The following MPC2 variants were observed in gnomAD, a reference collection of about 807,000 sequenced individuals.
The protein encoded by MPC2 is brain protein 44.
Under a neutral mutation model 19.2 loss-of-function variants are expected in MPC2, and 19 were observed. The observed-to-expected ratio is 0.99, with a 90% CI of 0.69 to 1.45. MPC2 has a LOEUF of 1.45. MPC2 is among the 40% of genes most tolerant of loss of function. The pLI, the probability that MPC2 is intolerant of heterozygous loss-of-function variation, is 0.00. For missense variants in MPC2, 122 were observed against 153.0 expected, an observed-to-expected ratio of 0.80 and a Z score of 1.07; for synonymous variants, 61 against 54.3, an observed-to-expected ratio of 1.12 and a Z score of -0.54.
In MPC2 at chr1:167,918,333, G is replaced by T; in HGVS notation, c.374C>A (p.Ala125Glu). 1 of 1,567,334 alleles carries T rather than the reference G, an allele frequency of 6.4e-7. No homozygotes were observed. Among genetic ancestry groups the T allele is most frequent in the Non-Finnish European group, 8.8e-7 (1 of 1,140,748 alleles). ...WRYNQELKAK[A>E]HK ...TGATCAGGAACTCTTTTATTTGTGT[G>T]CTTTAGCTTTTAGTTCTTGGTTATA... is the stretch of plus-strand genomic sequence containing the variant. The change falls in exon 6 of 6, where the codon GCA becomes GAA. Residue 125 changes from alanine (A) to glutamate (E), a missense_variant. Transcript: ENST00000271373.
In MPC2 at chr1:167,932,705, A is replaced by G. The variant is rs574390095; in HGVS notation, c.109+3028T>C. 6.2e-4 allele frequency among the ~76,000 whole-genome samples: 94 copies of G among 150,666 alleles called. No individual in the cohort carries two copies. The Middle Eastern group carries it at 0.014, about 22-fold the overall frequency. ...ATGCCTGTAATCCCAGCTACTCAGG[A>G]GGCTGAGGCAGGAGAATCGCTTGAA... On this transcript the variant is annotated intron_variant, in intron 2 of 5. Transcript: ENST00000271373.
At chr1:167,924,395 A>G in intron 3 of MPC2, 102 bp downstream of exon 3, 1 of 949,016 alleles carries the variant, frequency 1.1e-6, no homozygotes, top group Non-Finnish European at 1.6e-6. Context: ...AGGCATACCA[A>G]GAATACTCTA....
intron 1 of MPC2, 66 bp from the exon 2 acceptor site, chr1:167,935,964 G>C: frequency 1.4e-6 from 1 of 734,480 alleles, no homozygotes. Context: ...CTCGCCTGGA[G>C]TACCCTTCCC....
At chr1:167,919,064 G>A (rs775977835) in intron 5 of MPC2, among the ~76,000 whole-genome samples, 6 of 152,118 alleles carry the variant, frequency 3.9e-5, no homozygotes, top group Non-Finnish European at 8.8e-5. Flanking sequence ...TACTCGCAAA[G>A]CACCTTTCCT....
chr1:167,935,100 G>C (rs1671056416), intron 2 of MPC2, among the ~76,000 whole-genome samples: 1 of 152,072 alleles, frequency 6.6e-6, no homozygotes. Flanking sequence ...AACTATAAGT[G>C]GTAGAAGAGA....
intron 2 of MPC2, among the ~76,000 whole-genome samples, chr1:167,928,206 C>T (rs1346171547): frequency 1.3e-5 from 2 of 151,532 alleles, no homozygotes; most frequent in East Asian, 3.9e-4. Flanking sequence ...AAATTAGCTG[C>T]GCGTGGTGGC....
intron 3 of MPC2, among the ~76,000 whole-genome samples, chr1:167,923,832 G>T (rs1468097208): frequency 2.0e-5 from 3 of 152,054 alleles, no homozygotes; most frequent in African/African-American, 4.8e-5. Context: ...GTCTGTGATG[G>T]GGCCTAACAA....
chr1:167,936,888 C>G, intron 1 of MPC2, 51 bp downstream of exon 1: 1 of 1,568,838 alleles, frequency 6.4e-7, no homozygotes, highest in Non-Finnish European at 8.6e-7. Flanking sequence ...GTGGTCTCCC[C>G]TCCCACCCGG....
intron 3 of MPC2, among the ~76,000 whole-genome samples, chr1:167,923,075 G>A (rs767266870): frequency 1.3e-5 from 2 of 152,174 alleles, no homozygotes; most frequent in Non-Finnish European, 2.9e-5. Context: ...TGTTGGTGAG[G>A]ATGTGGAGAA....
chr1:167,925,482 CATAT>C (rs1670725709), intron 2 of MPC2, among the ~76,000 whole-genome samples: 8 of 80,852 alleles, frequency 9.9e-5, no homozygotes, highest in African/African-American at 2.3e-4. Context: ...TATACATATA[CATAT>C]ACACACACAT....
rs536946046 is a variant in MPC2, at chr1:167,919,895, G to A, written c.347+84C>T. On this transcript the variant is annotated intron_variant, in intron 5 of 5. Transcript: ENST00000271373. The stretch of plus-strand genomic sequence containing the variant: ...CCATCTCCAGCCTGGGCAACAGAGC[G>A]AGACCCCGTCTCAAAAAAAAAAAAA... The A allele has an allele frequency of 2.7e-5, 23 of 851,578 alleles. No homozygotes were observed. The East Asian group carries it at 4.3e-4, about 16-fold the overall frequency. The allele number at this position is 851,578 out of a possible 1,614,324, so 52.8% of individuals were successfully genotyped here.
chr1:167,920,578 G>A lies in MPC2; in HGVS notation c.204C>T (p.Ser68=). Residue 68 remains serine, a synonymous_variant, in exon 4 of 6, where the codon AGC becomes AGT. Transcript: ENST00000271373. ...CCATCAAAACAGCAGATTGAGCTGT[G>A]CTAAGTTTTTCTGCAGGTCTGGCCA... ...ADMARPAEKL[S]TAQSAVLMAT... is the part of the protein sequence containing the mutation. The A allele has an allele frequency of 6.2e-7, 1 of 1,613,956 alleles. No homozygotes were observed.
intron 1 of MPC2, 72 bp from the exon 2 acceptor site, chr1:167,935,970 T>G: frequency 1.3e-5 from 9 of 692,822 alleles, no homozygotes; most frequent in East Asian, 2.8e-5. Flanking sequence ...TGGAGTACCC[T>G]TCCCGCGGCT....
chr1:167,935,715 C>T lies in MPC2; in HGVS notation c.109+18G>A, dbSNP rs777839942. Reference sequence around the variant, plus strand: ...CGAGAAGGAAGGTCTCGATAAGGAGCCATTCAGGGTCCATTACCTGCTGGA... The same window carrying T: ...CGAGAAGGAAGGTCTCGATAAGGAGTCATTCAGGGTCCATTACCTGCTGGA... On this transcript the variant is annotated intron_variant, in intron 2 of 5. Transcript: ENST00000271373. 2.6e-6 allele frequency: 4 copies of T among 1,544,262 alleles called. No homozygotes were observed. The highest frequency in any genetic ancestry group is 2.6e-6 in the Non-Finnish European group (3 of 1,139,264).
chr1:167,929,487 C>G (rs1161553254), intron 2 of MPC2, among the ~76,000 whole-genome samples: 1 of 152,008 alleles, frequency 6.6e-6, no homozygotes, highest in Non-Finnish European at 1.5e-5. Flanking sequence ...TTTTTAAATT[C>G]TAACTTTTCA....
Position 167,917,597 on chromosome 1 carries a change from C to CAAAAAAAAAAAAAAAAAAAAAA in MPC2, c.*725_*726insTTTTTTTTTTTTTTTTTTTTTT, listed in dbSNP as rs36120795. On this transcript the variant is annotated 3_prime_UTR_variant, in exon 6 of 6. Coordinates refer to ENST00000271373, the MANE Select transcript of MPC2 (RefSeq NM_001143674.4). The stretch of plus-strand genomic sequence containing the variant: ...TGGGCCACAGAGCGAGACCCTGTCT[C>CAAAAAAAAAAAAAAAAAAAAAA]AAAAAAAAAAAAAAAAAAAAAGTCA... 1 of 79,834 alleles carries CAAAAAAAAAAAAAAAAAAAAAA rather than the reference C, an allele frequency of 1.3e-5. No homozygotes were observed. The allele number at this position is 79,834 out of a possible 1,614,324, so 4.9% of individuals were successfully genotyped here.
intron 2 of MPC2, among the ~76,000 whole-genome samples, chr1:167,931,979 C>T (rs1415950477): frequency 1.3e-5 from 2 of 152,158 alleles, no homozygotes; most frequent in African/African-American, 4.8e-5. Flanking sequence ...TCAGAGGGAA[C>T]CCATGTAATG....
intron 2 of MPC2, among the ~76,000 whole-genome samples, chr1:167,929,151 G>C (rs776330467): frequency 3.1e-4 from 47 of 152,112 alleles, no homozygotes; most frequent in African/African-American, 1.1e-3. Context: ...CAGAGGTGGG[G>C]AGTTTGAGAC....
At chr1:167,933,785 T>C (rs1327688444) in intron 2 of MPC2, among the ~76,000 whole-genome samples, 1 of 152,248 alleles carries the variant, frequency 6.6e-6, no homozygotes, top group African/African-American at 2.4e-5. Flanking sequence ...TCTACACTGG[T>C]GTGCCTCCAA....
Sources: allele counts gnomAD v4.1 joint callset (sites outside exome capture counted in the v4.1 genomes callset), GRCh38; gene constraint gnomAD v4.1.1; transcripts MANE v1.5; gene names NCBI Gene and HGNC (gene_info 2026-07-23, HGNC 2026-07-21).